KIF3A: variants seen among roughly 807,000 people sequenced by gnomAD.
KIF3A encodes the protein kinesin family member 3A.
KIF3A carries 27 observed loss-of-function variants against 92.6 expected under a neutral mutation model. The observed-to-expected ratio is 0.29, with a 90% CI of 0.21 to 0.40. The LOEUF is 0.40. KIF3A is among the 10% of genes least tolerant of loss of function. The probability of loss-of-function intolerance (pLI) is 1.00; values close to 1 mark genes in which losing one functional copy is unlikely to be tolerated. For synonymous variants in KIF3A, 250 were observed against 275.4 expected (o/e 0.91, Z 0.92); for missense variants, 581 against 872.6 (o/e 0.67, Z 4.21).
At chr5:132,719,543 G>A (rs997179290) in intron 5 of KIF3A, among the ~76,000 whole-genome samples, 1 of 151,202 alleles carries the variant, frequency 6.6e-6, no homozygotes. Context: ...CCAAGTTGGA[G>A]TGCAGTGGCG....
intron 18 of KIF3A, chr5:132,698,106 G>A (rs552091053): frequency 6.6e-6 from 1 of 152,226 alleles, no homozygotes; most frequent in African/African-American, 2.4e-5. Context: ...CCAACCCTGA[G>A]TTCAACCATC....
chr5:132,703,350 C>T, intron 12 of KIF3A, 113 bp downstream of exon 12: 1 of 879,018 alleles, frequency 1.1e-6, no homozygotes, highest in Non-Finnish European at 1.7e-6. Flanking sequence ...AAAATAGCTA[C>T]ACTGGAGACA....
chr5:132,737,356 C>A (rs1337817124), intron 1 of KIF3A, 58 bp downstream of exon 1: 2 of 1,571,040 alleles, frequency 1.3e-6, no homozygotes, highest in Admixed American at 1.8e-5. Flanking sequence ...ACGGCCGCGC[C>A]CCCGGGCCAG....
chr5:132,726,184 T>C lies in KIF3A; in HGVS notation c.454A>G (p.Ile152Val). 6.2e-7 allele frequency: 1 copy of C among 1,612,244 alleles called. No individual in the cohort carries two copies. The highest frequency in any genetic ancestry group is 8.5e-7 in the Non-Finnish European group (1 of 1,179,174). ...RFLVRVSYLE[I>V]YNEEVRDLLG... Reference sequence around the variant, plus strand: ...AGGTCACGAACTTCTTCATTATATATTTCCAAATAAGACACTCGAACCAAA... The same window carrying C: ...AGGTCACGAACTTCTTCATTATATACTTCCAAATAAGACACTCGAACCAAA... Residue 152 changes from isoleucine to valine, a missense_variant, in exon 4 of 19, where the codon ATA becomes GTA. Physicochemically the swap from Ile to Val is conservative, Grantham distance 29. Around this residue, in one of 5 missense-constraint regions of KIF3A, gnomAD observed 217 missense variants for 299.7 expected, o/e 0.72. Transcript: ENST00000403231.
intron 9 of KIF3A, 90 bp from the exon 10 acceptor site, chr5:132,709,068 A>T: frequency 9.4e-7 from 1 of 1,062,336 alleles, no homozygotes; most frequent in Non-Finnish European, 1.4e-6. Context: ...CAGTTTTCAG[A>T]GAAAAAAATT....
intron 8 of KIF3A, among the ~76,000 whole-genome samples, chr5:132,713,673 C>T (rs1181611129): frequency 1.3e-5 from 2 of 151,990 alleles, no homozygotes; most frequent in Non-Finnish European, 2.9e-5. Flanking sequence ...AGTATACCCA[C>T]GTTCATAGCA....
At chr5:132,719,711 CA>C (rs1753762491) in intron 5 of KIF3A, among the ~76,000 whole-genome samples, 1 of 151,802 alleles carries the variant, frequency 6.6e-6, no homozygotes, top group Non-Finnish European at 1.5e-5. Context: ...AGGCTGGTCT[CA>C]AACAAGTGAT....
intron 1 of KIF3A, among the ~76,000 whole-genome samples, chr5:132,735,818 T>G (rs1754371666): frequency 6.6e-6 from 1 of 152,174 alleles, no homozygotes; most frequent in Admixed American, 6.5e-5. Flanking sequence ...ATCCTTAAGG[T>G]GGTCTGTAAG....
Position 132,703,123 on chromosome 5 carries a change from T to G in KIF3A, c.1467-58A>C, listed in dbSNP as rs1753098148. On this transcript the variant is annotated intron_variant, in intron 12 of 18. Coordinates refer to ENST00000403231, the MANE Select transcript of KIF3A (RefSeq NM_001300791.2). ...CTGATGATCTATTATTCTACTAATA[T>G]CATTTCCCAAAATTTAAAATTTGGA... 1.5e-5 allele frequency: 22 copies of G among 1,426,216 alleles called. No individual in the cohort carries two copies. The South Asian group carries it at 2.7e-4, about 17-fold the overall frequency. 88.3% of individuals were successfully genotyped at this position (1,426,216 alleles called of 1,614,324 possible).
intron 15 of KIF3A, among the ~76,000 whole-genome samples, 183 bp downstream of exon 15, chr5:132,701,904 T>C (rs897569794): frequency 6.6e-6 from 1 of 152,202 alleles, no homozygotes; most frequent in African/African-American, 2.4e-5. Flanking sequence ...TCTAAAAGGC[T>C]AGATACTCAA....
chr5:132,703,912 C>T (rs1351795366), intron 11 of KIF3A, among the ~76,000 whole-genome samples: 1 of 151,462 alleles, frequency 6.6e-6, no homozygotes, highest in Non-Finnish European at 1.5e-5. Flanking sequence ...GAAAGATTAA[C>T]AGGAAAGCCA....
intron 8 of KIF3A, among the ~76,000 whole-genome samples, chr5:132,712,779 T>C (rs925571744): frequency 6.6e-6 from 1 of 152,096 alleles, no homozygotes; most frequent in Non-Finnish European, 1.5e-5. Flanking sequence ...TCAACAAATA[T>C]ATGACCAGTA....
rs1402827870 is a variant in KIF3A at position 132,696,247 on chromosome 5, T to C, written c.*387A>G. The stretch of plus-strand genomic sequence containing the variant: ...GGACAATCTGATCTGCTTCTTTCTA[T>C]GTGCAAAACAGGACACAGTTTTTTT... On this transcript the variant is annotated 3_prime_UTR_variant, in exon 19 of 19. Coordinates refer to ENST00000403231, the MANE Select transcript of KIF3A (RefSeq NM_001300791.2). 1 of 155,808 alleles carries C rather than the reference T, an allele frequency of 6.4e-6. No individual in the cohort carries two copies. Among genetic ancestry groups the C allele is most frequent in the Non-Finnish European group, 1.4e-5 (1 of 71,174 alleles). The allele number at this position is 155,808 out of a possible 1,614,324, so 9.7% of individuals were successfully genotyped here.
intron 18 of KIF3A, chr5:132,698,009 A>T: frequency 6.6e-6 from 1 of 152,220 alleles, no homozygotes; most frequent in East Asian, 1.9e-4. Context: ...TATGCTTGGC[A>T]TGTGTTGGTA....
At chr5:132,710,814 A>C in intron 9 of KIF3A, 145 bp downstream of exon 9, 1 of 1,101,840 alleles carries the variant, frequency 9.1e-7, no homozygotes, top group Non-Finnish European at 1.3e-6. Flanking sequence ...AAAAAATGCA[A>C]AGTTAACCAG....
chr5:132,697,516 T>G (rs560609809), intron 18 of KIF3A: 1 of 151,968 alleles, frequency 6.6e-6, no homozygotes, highest in Non-Finnish European at 1.5e-5. Context: ...GGCTTTTCCT[T>G]AGAAAAGAGA....
intron 2 of KIF3A, among the ~76,000 whole-genome samples, chr5:132,727,585 C>A (rs1166905443): frequency 1.3e-5 from 2 of 152,144 alleles, no homozygotes; most frequent in Non-Finnish European, 2.9e-5. Flanking sequence ...AAGATGGATG[C>A]AGGCAGAGCT....
At chr5:132,715,733 A>AT (rs1753597933) in intron 8 of KIF3A, 24 bp downstream of exon 8, 5 of 1,567,260 alleles carry the variant, frequency 3.2e-6, no homozygotes, top group Non-Finnish European at 4.4e-6. Context: ...CAACATAAAG[A>AT]TTAATATTTT....
At chr5:132,709,864 A>T (rs1486368282) in intron 9 of KIF3A, among the ~76,000 whole-genome samples, 1 of 152,194 alleles carries the variant, frequency 6.6e-6, no homozygotes, top group Non-Finnish European at 1.5e-5. Flanking sequence ...CATTTTGCCA[A>T]TTTTTGCCAT....
Sources: allele counts gnomAD v4.1 joint callset (sites outside exome capture counted in the v4.1 genomes callset), GRCh38; gene constraint gnomAD v4.1.1; regional missense constraint gnomAD v4.1.1; transcripts MANE v1.5; gene names NCBI Gene and HGNC (gene_info 2026-07-23, HGNC 2026-07-21).